ATP9B: variants seen among roughly 807,000 people sequenced by gnomAD.
ATP9B encodes the protein probable phospholipid-transporting ATPase IIB.
In ATP9B, 110 loss-of-function variants were observed where a neutral mutation model predicts 146.1. That is an observed-to-expected ratio of 0.75 (90% CI 0.65 to 0.88). The LOEUF (loss-of-function observed/expected upper bound fraction) is 0.88. Among genes scored for constraint, ATP9B ranks in the 40% least tolerant of loss-of-function variants. The pLI is 0.00. For missense variants in ATP9B, 1,499 were observed against 1,496.4 expected, an observed-to-expected ratio of 1.00 and a Z score of -0.03; for synonymous variants, 604 against 569.7, an observed-to-expected ratio of 1.06 and a Z score of -0.86.
chr18:79,229,010 G>A (rs1298638971), intron 11 of ATP9B, among the ~76,000 whole-genome samples: 1 of 152,110 alleles, frequency 6.6e-6, no homozygotes, highest in African/African-American at 2.4e-5. Context: ...CAGCCTGGGC[G>A]ACAGTATAAG....
chr18:79,259,115 T>C (rs1185132002), intron 12 of ATP9B, among the ~76,000 whole-genome samples: 2 of 152,230 alleles, frequency 1.3e-5, no homozygotes, highest in Non-Finnish European at 1.5e-5. Context: ...AATTCCTCTG[T>C]ATGAAGTAAA....
chr18:79,150,985 G>A (rs2094680562), intron 6 of ATP9B, among the ~76,000 whole-genome samples: 1 of 152,118 alleles, frequency 6.6e-6, no homozygotes, highest in Admixed American at 6.6e-5. Context: ...CATGCCCATG[G>A]TTAGAAGTAT....
intron 20 of ATP9B, among the ~76,000 whole-genome samples, chr18:79,342,912 C>T (rs961378303): frequency 2.0e-5 from 3 of 152,154 alleles, no homozygotes; most frequent in African/African-American, 7.2e-5. Context: ...CTGCCATTTT[C>T]AGAGCAAGTG....
chr18:79,122,429 A>G (rs2094205570), intron 4 of ATP9B, among the ~76,000 whole-genome samples: 1 of 152,198 alleles, frequency 6.6e-6, no homozygotes, highest in African/African-American at 2.4e-5. Context: ...TTACAATGCT[A>G]TTGTCTTCCC....
intron 13 of ATP9B, among the ~76,000 whole-genome samples, chr18:79,283,013 T>G (rs1284415491): frequency 6.6e-6 from 1 of 152,264 alleles, no homozygotes; most frequent in Non-Finnish European, 1.5e-5. Flanking sequence ...TTTGCCCCCT[T>G]GCCTTTGTGA....
Position 79,139,004 on chromosome 18 carries a change from G to A in ATP9B, c.668-4798G>A, listed in dbSNP as rs1472222922. Among the ~76,000 whole-genome samples the A allele has an allele frequency of 3.9e-5, 6 of 152,130 alleles. No homozygotes were observed. In the East Asian group the frequency reaches 1.2e-3, roughly 29 times the overall value. On this transcript the variant is annotated intron_variant, in intron 5 of 29. Coordinates refer to ENST00000426216, the MANE Select transcript of ATP9B (RefSeq NM_198531.5). ...GATCACCCGAGCCAGGGAGATCGAG[G>A]CCACAGTGAGCCATGATTGTGCCAC...
intron 7 of ATP9B, among the ~76,000 whole-genome samples, chr18:79,155,830 T>G (rs1161069574): frequency 7.4e-6 from 1 of 135,158 alleles, no homozygotes; most frequent in Admixed American, 7.9e-5. Flanking sequence ...TGGTGCGATC[T>G]CCGCTCACTG....
intron 11 of ATP9B, among the ~76,000 whole-genome samples, chr18:79,236,453 T>G (rs2095842040): frequency 6.6e-6 from 1 of 152,154 alleles, no homozygotes; most frequent in Non-Finnish European, 1.5e-5. Flanking sequence ...CAACTCTCAG[T>G]TGTAACATTG....
chr18:79,259,602 G>C (rs2096119631), intron 12 of ATP9B, among the ~76,000 whole-genome samples: 1 of 152,154 alleles, frequency 6.6e-6, no homozygotes, highest in Admixed American at 6.5e-5. Flanking sequence ...ATTTACCAAG[G>C]GTCTAGCCTC....
chr18:79,178,032 G>T (rs932151131), intron 8 of ATP9B, among the ~76,000 whole-genome samples: 14 of 152,220 alleles, frequency 9.2e-5, no homozygotes, highest in African/African-American at 3.1e-4. Context: ...GATTGGAGAG[G>T]TTGGGCAGTT....
intron 11 of ATP9B, 129 bp from the exon 12 acceptor site, chr18:79,253,252 A>C: frequency 1.3e-6 from 1 of 793,072 alleles, no homozygotes; most frequent in South Asian, 2.4e-5. Flanking sequence ...TTCATATTTC[A>C]TTATAATAAA....
intron 11 of ATP9B, among the ~76,000 whole-genome samples, chr18:79,245,161 C>G (rs1283652305): frequency 6.6e-6 from 1 of 152,094 alleles, no homozygotes; most frequent in African/African-American, 2.4e-5. Flanking sequence ...TTATAACCCC[C>G]CTAAAGTCCT....
At chr18:79,273,708 G>A (rs988509810) in intron 12 of ATP9B, among the ~76,000 whole-genome samples, 1 of 152,176 alleles carries the variant, frequency 6.6e-6, no homozygotes, top group Non-Finnish European at 1.5e-5. Flanking sequence ...GCATCGTGGT[G>A]CCTAAATAAG....
chr18:79,355,760 T>C (rs148715204), intron 25 of ATP9B, among the ~76,000 whole-genome samples: 2 of 152,232 alleles, frequency 1.3e-5, no homozygotes, highest in African/African-American at 4.8e-5. Context: ...AAGACATAAA[T>C]GTATAGATTC....
At chr18:79,271,456 T>G (rs1172043038) in intron 12 of ATP9B, among the ~76,000 whole-genome samples, 1 of 151,180 alleles carries the variant, frequency 6.6e-6, no homozygotes, top group African/African-American at 2.4e-5. Flanking sequence ...TTCTCATTGT[T>G]CAGTTCCCAC....
At chr18:79,374,595 C>A (rs187462385) in intron 28 of ATP9B, among the ~76,000 whole-genome samples, 3 of 152,214 alleles carry the variant, frequency 2.0e-5, no homozygotes, top group Admixed American at 6.5e-5. Context: ...CACAGCCACT[C>A]GGGAGCAGTT....
At chr18:79,285,798 G>A (rs1371298523) in intron 13 of ATP9B, among the ~76,000 whole-genome samples, 1 of 152,134 alleles carries the variant, frequency 6.6e-6, no homozygotes, top group Admixed American at 6.5e-5. Flanking sequence ...TTTTGTATAA[G>A]GTGTAAGAAA....
At chr18:79,361,315 A>G (rs1384222162) in intron 26 of ATP9B, 2 of 152,222 alleles carry the variant, frequency 1.3e-5, no homozygotes, top group African/African-American at 4.8e-5. Flanking sequence ...CAAGAGGTTC[A>G]TAGGGCCACA....
chr18:79,228,101 T>C (rs1159850778), intron 11 of ATP9B, among the ~76,000 whole-genome samples: 3 of 152,260 alleles, frequency 2.0e-5, no homozygotes, highest in Non-Finnish European at 4.4e-5. Flanking sequence ...TAGAGCTACT[T>C]AAATCTTTAG....
Sources: allele counts gnomAD v4.1 joint callset (sites outside exome capture counted in the v4.1 genomes callset), GRCh38; gene constraint gnomAD v4.1.1; transcripts MANE v1.5; gene names NCBI Gene and HGNC (gene_info 2026-07-23, HGNC 2026-07-21).